ALCAM: variants seen among roughly 807,000 people sequenced by gnomAD.
The protein encoded by ALCAM is CD166 antigen.
A neutral mutation model predicts 70.9 loss-of-function variants in ALCAM; 30 were observed. That is an observed-to-expected ratio of 0.42 (90% CI 0.32 to 0.57). The LOEUF (loss-of-function observed/expected upper bound fraction) is 0.57. ALCAM is among the 20% of genes least tolerant of loss of function. ALCAM has a pLI of 0.11. For synonymous variants in ALCAM, 249 were observed against 242.5 expected (o/e 1.03, Z -0.25); for missense variants, 591 against 695.1 (o/e 0.85, Z 1.68).
intron 1 of ALCAM, among the ~76,000 whole-genome samples, chr3:105,492,423 C>T (rs1399697933): frequency 6.6e-6 from 1 of 152,212 alleles, no homozygotes; most frequent in African/African-American, 2.4e-5. Context: ...TGGTCAGATA[C>T]TACCAATTCC....
intron 14 of ALCAM, among the ~76,000 whole-genome samples, chr3:105,560,790 C>T (rs9859785): frequency 0.083 from 12,636 of 152,172 alleles, 666 homozygotes; most frequent in Non-Finnish European, 0.12. Context: ...AAAAGGACTT[C>T]CTTTCAGCCG....
At chr3:105,560,753 A>G (rs912923695) in intron 14 of ALCAM, among the ~76,000 whole-genome samples, 11 of 152,154 alleles carry the variant, frequency 7.2e-5, no homozygotes, top group Non-Finnish European at 1.3e-4. Flanking sequence ...TGCTGTATCT[A>G]TTTATCAAGC....
intron 1 of ALCAM, among the ~76,000 whole-genome samples, chr3:105,405,784 A>T (rs1298447802): frequency 6.6e-6 from 1 of 152,202 alleles, no homozygotes; most frequent in South Asian, 2.1e-4. Flanking sequence ...TGGAAATTAA[A>T]TAACTTGCTC....
At chr3:105,572,263 G>A (rs1360408314) in intron 15 of ALCAM, among the ~76,000 whole-genome samples, 1 of 151,912 alleles carries the variant, frequency 6.6e-6, no homozygotes, top group African/African-American at 2.4e-5. Flanking sequence ...GCCCCATTGT[G>A]TGGTGGTCCC....
At chr3:105,493,165 A>G (rs1017157045) in intron 1 of ALCAM, among the ~76,000 whole-genome samples, 3 of 152,200 alleles carry the variant, frequency 2.0e-5, no homozygotes, top group Non-Finnish European at 4.4e-5. Flanking sequence ...CTGCTTGGAT[A>G]GCCTTTTGCA....
chr3:105,391,738 T>A (rs1370174301), intron 1 of ALCAM, among the ~76,000 whole-genome samples: 1 of 152,078 alleles, frequency 6.6e-6, no homozygotes, highest in Non-Finnish European at 1.5e-5. Context: ...GATAAATGGC[T>A]CTTATTATTT....
At chr3:105,521,482 T>A (rs952733715) in intron 2 of ALCAM, among the ~76,000 whole-genome samples, 5 of 152,170 alleles carry the variant, frequency 3.3e-5, no homozygotes, top group African/African-American at 1.2e-4. Flanking sequence ...CAGAACACAC[T>A]GTAAGAAATG....
chr3:105,557,324 G>C (rs1011815817), intron 14 of ALCAM, among the ~76,000 whole-genome samples: 7 of 152,064 alleles, frequency 4.6e-5, no homozygotes, highest in African/African-American at 1.7e-4. Flanking sequence ...GAGGGGACTT[G>C]ATGGGAAATA....
At chr3:105,379,518 T>C (rs1416975466) in intron 1 of ALCAM, among the ~76,000 whole-genome samples, 2 of 151,778 alleles carry the variant, frequency 1.3e-5, no homozygotes, top group Non-Finnish European at 3.0e-5. Context: ...TATAAAGACA[T>C]ATGTAATGCA....
At chr3:105,375,248 A>G (rs1576118127) in intron 1 of ALCAM, among the ~76,000 whole-genome samples, 1 of 152,314 alleles carries the variant, frequency 6.6e-6, no homozygotes, top group East Asian at 1.9e-4. Flanking sequence ...TTTATGCCTC[A>G]TGAGCTGGTA....
At chr3:105,490,300 TGAC>T (rs1938545663) in intron 1 of ALCAM, among the ~76,000 whole-genome samples, 1 of 152,204 alleles carries the variant, frequency 6.6e-6, no homozygotes, top group Admixed American at 6.5e-5. Flanking sequence ...ACTAGAAGAG[TGAC>T]GTCAAGTGAC....
intron 1 of ALCAM, among the ~76,000 whole-genome samples, chr3:105,436,473 G>A (rs1051904739): frequency 6.6e-6 from 1 of 151,878 alleles, no homozygotes; most frequent in Non-Finnish European, 1.5e-5. Flanking sequence ...GACTATAGGT[G>A]CCTGCCACCA....
intron 1 of ALCAM, among the ~76,000 whole-genome samples, chr3:105,485,102 A>G (rs138821882): frequency 5.3e-5 from 8 of 152,214 alleles, no homozygotes; most frequent in Non-Finnish European, 1.2e-4. Context: ...AACAAACTAC[A>G]CTATGCTTTA....
intron 1 of ALCAM, among the ~76,000 whole-genome samples, chr3:105,412,219 G>A (rs1317535063): frequency 1.3e-5 from 2 of 152,062 alleles, no homozygotes; most frequent in Non-Finnish European, 2.9e-5. Flanking sequence ...AGATCTATGT[G>A]TCCAAATAAT....
chr3:105,550,144 T>C lies in ALCAM; in HGVS notation c.1392T>C (p.Tyr464=), dbSNP rs752638130. Reference sequence around the variant, plus strand: ...TTTTCCAGACAGAGGAATCTCCTTATATTAATGGCAGGTATTATAGTAAAA... The same window carrying C: ...TTTTCCAGACAGAGGAATCTCCTTACATTAATGGCAGGTATTATAGTAAAA... ...SVINQTEESP[Y]INGRYYSKII... The change falls in exon 12 of 16, where the codon TAT becomes TAC. Residue 464 remains tyrosine, a synonymous_variant. Coordinates refer to ENST00000306107, the MANE Select transcript of ALCAM (RefSeq NM_001627.4). 2.5e-6 allele frequency: 4 copies of C among 1,594,064 alleles called. No homozygotes were observed. The highest frequency in any genetic ancestry group is 3.4e-6 in the Non-Finnish European group (4 of 1,165,500).
chr3:105,374,115 G>A (rs913159734), intron 1 of ALCAM, among the ~76,000 whole-genome samples: 1 of 152,240 alleles, frequency 6.6e-6, no homozygotes, highest in South Asian at 2.1e-4. Flanking sequence ...TGGGCCAAAT[G>A]TGGTTATTGA....
chr3:105,566,884 C>T (rs1050075600), intron 14 of ALCAM, among the ~76,000 whole-genome samples: 2 of 151,980 alleles, frequency 1.3e-5, no homozygotes, highest in East Asian at 1.9e-4. Context: ...TCTGAATTCC[C>T]ATCTGGTGTT....
intron 8 of ALCAM, chr3:105,544,915 A>ATTTTTT: frequency 3.3e-5 from 9 of 275,466 alleles, no homozygotes; most frequent in East Asian, 9.4e-5. Flanking sequence ...GTGACTTAAG[A>ATTTTTT]TTTTTTTTTC....
chr3:105,501,301 G>T (rs891005376), intron 1 of ALCAM, among the ~76,000 whole-genome samples: 5 of 152,174 alleles, frequency 3.3e-5, no homozygotes, highest in Admixed American at 2.6e-4. Context: ...CAAGTCGGTT[G>T]AAACAGTTCA....
Sources: gnomAD v4.1 joint callset for allele counts (sites outside exome capture counted in the v4.1 genomes callset) on GRCh38, gnomAD v4.1.1 for gene constraint, MANE v1.5 for transcripts, NCBI Gene and HGNC (gene_info 2026-07-23, HGNC 2026-07-21) for gene names.